Variants in DIS3L observed in about 807,000 individuals in gnomAD.
DIS3L encodes the protein DIS3-like exonuclease 1.
A neutral mutation model predicts 120.3 loss-of-function variants in DIS3L; 100 were observed. The ratio of observed to expected loss-of-function variants is 0.83; its 90% CI spans 0.71 to 0.98. DIS3L has a LOEUF of 0.98. Ranked by LOEUF, DIS3L falls within the 50% of genes least tolerant of loss-of-function variation. The pLI, the probability that DIS3L is intolerant of heterozygous loss-of-function variation, is 0.00. For synonymous variants in DIS3L, 426 were observed against 470.6 expected, an observed-to-expected ratio of 0.91 and a Z score of 1.23; for missense variants, 1,196 against 1,314.2, an observed-to-expected ratio of 0.91 and a Z score of 1.39.
chr15:66,333,519 A>G lies in DIS3L; in HGVS notation c.*207A>G. 2 of 440,314 alleles carry G rather than the reference A, an allele frequency of 4.5e-6. No homozygotes were observed. The highest frequency in any genetic ancestry group is 4.2e-5 in the East Asian group (1 of 23,622). 27.3% of individuals were successfully genotyped at this position (440,314 alleles called of 1,614,324 possible). On this transcript the variant is annotated 3_prime_UTR_variant, in exon 17 of 17. Coordinates refer to ENST00000319212, the MANE Select transcript of DIS3L (RefSeq NM_001143688.3). ...GCTGAGGCGGGCGGATCACGAGGTC[A>G]GGAGATTGAGACCATCCTGGCTAAC... is the stretch of plus-strand genomic sequence containing the variant.
chr15:66,311,514 G>A (rs1054121609), intron 4 of DIS3L, among the ~76,000 whole-genome samples: 2 of 152,172 alleles, frequency 1.3e-5, no homozygotes, highest in Non-Finnish European at 2.9e-5. Flanking sequence ...GTTCCACGGT[G>A]GAGTGGCTTC....
chr15:66,296,273 C>T (rs72748329), intron 2 of DIS3L, among the ~76,000 whole-genome samples: 9,257 of 152,236 alleles, frequency 0.061, 361 homozygotes, highest in Middle Eastern at 0.11. Flanking sequence ...GTTCCTGGGA[C>T]ATTCAAAGAC....
chr15:66,312,497 A>G (rs1382290528), intron 5 of DIS3L, among the ~76,000 whole-genome samples: 1 of 152,162 alleles, frequency 6.6e-6, no homozygotes, highest in Non-Finnish European at 1.5e-5. Flanking sequence ...AGAAAAAAAC[A>G]TACCTCTTTG....
In DIS3L at chr15:66,333,013, T is replaced by C; in HGVS notation, c.2866T>C (p.Ser956Pro). ...TTCTTCTCTATGCTAGGTAAGAATA[T>C]CCATACAGGCCTCACGTTGCCATTC... ...HLFDHVTVRISIQASRCHSDT... is the reference protein window; with the variant it reads ...HLFDHVTVRIPIQASRCHSDT... The change falls in exon 17 of 17, where the codon TCC becomes CCC. Residue 956 changes from serine (S) to proline (P), a missense_variant. Coordinates refer to ENST00000319212, the MANE Select transcript of DIS3L (RefSeq NM_001143688.3). 6.2e-7 allele frequency: 1 copy of C among 1,608,324 alleles called. No homozygotes were observed. The highest frequency in any genetic ancestry group is 8.5e-7 in the Non-Finnish European group (1 of 1,177,850).
chr15:66,332,506 G>GTGTGTATATA (rs1444233445), intron 15 of DIS3L, among the ~76,000 whole-genome samples: 2 of 83,106 alleles, frequency 2.4e-5, no homozygotes, highest in Admixed American at 1.5e-4. Context: ...GTGTGTGTGT[G>GTGTGTATATA]TGTGTGTGTA....
At chr15:66,312,229 G>A (rs202063895) in intron 5 of DIS3L, among the ~76,000 whole-genome samples, 6 of 143,152 alleles carry the variant, frequency 4.2e-5, no homozygotes, top group Non-Finnish European at 7.7e-5. Flanking sequence ...AAAAAAAAAA[G>A]AATCTGTCAG....
At chr15:66,323,378 A>G in intron 10 of DIS3L, 115 bp from the exon 11 acceptor site, 2 of 973,034 alleles carry the variant, frequency 2.1e-6, no homozygotes, top group East Asian at 2.4e-5. Context: ...AAACAGCAAC[A>G]GCCTTGGGGA....
intron 1 of DIS3L, chr15:66,294,417 ATG>A: frequency 2.0e-6 from 2 of 985,620 alleles, no homozygotes; most frequent in Non-Finnish European, 2.4e-6. Flanking sequence ...TTGTCAGCGA[ATG>A]TGTGGAATCC....
At position 66,320,447 on chromosome 15, in the gene DIS3L, A is replaced by G. The variant is rs1670016406; in HGVS notation, c.1165-124A>G. 1.2e-5 allele frequency: 12 copies of G among 1,013,868 alleles called. No individual in the cohort carries two copies. In the South Asian group the frequency reaches 1.4e-4, roughly 12 times the overall value. 62.8% of individuals were successfully genotyped at this position (1,013,868 alleles called of 1,614,324 possible). A position where few individuals can be genotyped will look rare whatever the true frequency, so the allele number is the denominator to read the frequency against. ...CAAAAAAAAAACCCTACCATACACC[A>G]CTATTTGCACCTGGCCACTCTCCTT... On this transcript the variant is annotated intron_variant, in intron 8 of 16. Coordinates refer to ENST00000319212, the MANE Select transcript of DIS3L (RefSeq NM_001143688.3).
chr15:66,303,871 C>T (rs919906409), intron 2 of DIS3L, among the ~76,000 whole-genome samples: 18 of 151,724 alleles, frequency 1.2e-4, no homozygotes, highest in Admixed American at 7.9e-4. Context: ...GCGGGTGGAT[C>T]ATGAGGTCAG....
At position 66,326,325 on chromosome 15, in the gene DIS3L, G is replaced by A. The variant is rs117749912; in HGVS notation, c.2162G>A (p.Arg721Gln). 397 of 1,614,100 alleles carry A rather than the reference G, an allele frequency of 2.5e-4. 3 individuals carry two copies. In the East Asian group the frequency reaches 4.8e-3, roughly 20 times the overall value. Residue 721 changes from arginine (R) to glutamine (Q), a missense_variant, in exon 12 of 17, where the codon CGG becomes CAG. By Grantham distance (43) the Arg-to-Gln change is conservative. Coordinates refer to ENST00000319212, the MANE Select transcript of DIS3L (RefSeq NM_001143688.3). The part of the protein sequence containing the change: ...PPHQEFFSEL[R>Q]ECAKAKGFFI... The stretch of plus-strand genomic sequence containing the variant: ...CACCAGGAGTTCTTTTCAGAACTCC[G>A]GGAATGTGCTAAAGCCAAAGGCTTC...
At chr15:66,301,388 C>T (rs1181624734) in intron 2 of DIS3L, among the ~76,000 whole-genome samples, 1 of 152,006 alleles carries the variant, frequency 6.6e-6, no homozygotes, top group Non-Finnish European at 1.5e-5. Flanking sequence ...TTAAGCGGTT[C>T]TCCTGCCTCA....
In DIS3L at chr15:66,293,594, G is replaced by C; in HGVS notation, c.-3G>C. ...CTCCGCGGCCGCCGGGAGACACGCCGCCATGCTGCAGAAGCGGGAGAAGGT... is the reference window on the plus strand; with the variant it reads ...CTCCGCGGCCGCCGGGAGACACGCCCCCATGCTGCAGAAGCGGGAGAAGGT... On this transcript the variant is annotated 5_prime_UTR_variant, in exon 1 of 17. Coordinates refer to ENST00000319212, the MANE Select transcript of DIS3L (RefSeq NM_001143688.3). 2 of 1,433,356 alleles carry C rather than the reference G, an allele frequency of 1.4e-6. No homozygotes were observed. Among genetic ancestry groups the C allele is most frequent in the Non-Finnish European group, 1.8e-6 (2 of 1,093,906 alleles). The allele number at this position is 1,433,356 out of a possible 1,614,324, so 88.8% of individuals were successfully genotyped here.
intron 14 of DIS3L, among the ~76,000 whole-genome samples, chr15:66,331,253 G>A (rs1331470399): frequency 6.6e-6 from 1 of 152,006 alleles, no homozygotes; most frequent in Non-Finnish European, 1.5e-5. Flanking sequence ...CATTGGACAG[G>A]CTTGAAAAGA....
chr15:66,322,067 T>C (rs75103020), intron 9 of DIS3L, among the ~76,000 whole-genome samples: 12,480 of 152,220 alleles, frequency 0.082, 800 homozygotes, highest in East Asian at 0.34. Flanking sequence ...TTAACATTAG[T>C]TTCTGGAAAT....
chr15:66,307,640 A>T (rs2092715131), intron 3 of DIS3L, among the ~76,000 whole-genome samples: 1 of 152,338 alleles, frequency 6.6e-6, no homozygotes, highest in Middle Eastern at 3.4e-3. Context: ...GAAACTGGTC[A>T]TTTAATTCTG....
chr15:66,305,638 C>T (rs2092696192), intron 2 of DIS3L, among the ~76,000 whole-genome samples: 1 of 152,106 alleles, frequency 6.6e-6, no homozygotes, highest in African/African-American at 2.4e-5. Flanking sequence ...GACCCTCCTG[C>T]CTCAGCCTCC....
rs1390495677 is a variant in DIS3L at position 66,315,153 on chromosome 15, T to G, written c.932T>G (p.Leu311Arg). ...KNEWKGRTVA[L>R]CENDCDDKAS... ...GAATGGAAAGGAAGAACCGTAGCCC[T>G]GTGTGAGAATGACTGTGACGACAAG... Residue 311 changes from leucine to arginine, a missense_variant, in exon 7 of 17, where the codon CTG becomes CGG. Coordinates refer to ENST00000319212, the MANE Select transcript of DIS3L (RefSeq NM_001143688.3). The G allele has an allele frequency of 6.2e-7, 1 of 1,613,902 alleles. No homozygotes were observed. The highest frequency in any genetic ancestry group is 8.5e-7 in the Non-Finnish European group (1 of 1,179,954).
intron 8 of DIS3L, among the ~76,000 whole-genome samples, chr15:66,318,940 C>T (rs2092850880): frequency 6.6e-6 from 1 of 151,882 alleles, no homozygotes; most frequent in Non-Finnish European, 1.5e-5. Context: ...TTACAGGCTC[C>T]CGCCACCACG....
Sources: allele counts gnomAD v4.1 joint callset (sites outside exome capture counted in the v4.1 genomes callset), GRCh38; gene constraint gnomAD v4.1.1; transcripts MANE v1.5; gene names NCBI Gene and HGNC (gene_info 2026-07-23, HGNC 2026-07-21).